Variants in GALNT13 observed in about 807,000 individuals in gnomAD.
GALNT13 encodes the protein UDP-GalNAc:polypeptide N-acetylgalactosaminyltransferase 13.
In GALNT13, 28 loss-of-function variants were observed where a neutral mutation model predicts 64.2. The observed-to-expected ratio is 0.44, with a 90% CI of 0.32 to 0.60. GALNT13 has a LOEUF of 0.60. Ranked by LOEUF, GALNT13 falls within the 20% of genes least tolerant of loss-of-function variation. GALNT13 has a pLI of 0.05. For synonymous variants in GALNT13, 214 were observed against 224.6 expected, an observed-to-expected ratio of 0.95 and a Z score of 0.42; for missense variants, 577 against 669.8, an observed-to-expected ratio of 0.86 and a Z score of 1.53.
chr2:153,557,040 C>T, the GALNT13 span, among the ~76,000 whole-genome samples: 5 of 152,120 alleles, frequency 3.3e-5, no homozygotes, highest in African/African-American at 1.2e-4. Context: ...TTTGACCCCC[C>T]CTTCCATTAA....
intron 3 of GALNT13, among the ~76,000 whole-genome samples, chr2:153,964,071 T>C (rs1261817930): frequency 1.3e-5 from 2 of 152,078 alleles, no homozygotes; most frequent in South Asian, 2.1e-4. Flanking sequence ...AGTTCCTTTT[T>C]TTTCCCCCCC....
At chr2:153,624,519 A>T in the GALNT13 span, among the ~76,000 whole-genome samples, 1 of 152,106 alleles carries the variant, frequency 6.6e-6, no homozygotes, top group Non-Finnish European at 1.5e-5. Context: ...TAAAAACAGC[A>T]TGTCCCAGAC....
chr2:153,341,481 G>A, the GALNT13 span, among the ~76,000 whole-genome samples: 1 of 152,188 alleles, frequency 6.6e-6, no homozygotes, highest in Non-Finnish European at 1.5e-5. Flanking sequence ...TGTTTGTTAA[G>A]TACTAAGCAA....
chr2:154,164,499 C>T (rs998245028), intron 4 of GALNT13, among the ~76,000 whole-genome samples: 1 of 152,034 alleles, frequency 6.6e-6, no homozygotes, highest in Non-Finnish European at 1.5e-5. Context: ...AGGAAAGATA[C>T]GACAGATTTA....
At chr2:154,032,851 G>C (rs1274575807) in intron 3 of GALNT13, among the ~76,000 whole-genome samples, 1 of 139,342 alleles carries the variant, frequency 7.2e-6, no homozygotes, top group African/African-American at 2.6e-5. Context: ...CAAGGTATAT[G>C]AACCTACATT....
intron 8 of GALNT13, among the ~76,000 whole-genome samples, chr2:154,262,940 C>T (rs1413565075): frequency 6.6e-6 from 1 of 152,016 alleles, no homozygotes; most frequent in Non-Finnish European, 1.5e-5. Context: ...TAAATAATAA[C>T]CGTGTTTCAG....
chr2:154,150,933 G>C (rs1278067614), intron 4 of GALNT13, among the ~76,000 whole-genome samples: 1 of 152,004 alleles, frequency 6.6e-6, no homozygotes, highest in East Asian at 1.9e-4. Context: ...ATTTCCTTCA[G>C]TTCCGCTCTG....
At chr2:154,409,209 C>G (rs1237127987) in intron 11 of GALNT13, 127 bp downstream of exon 11, 2 of 711,142 alleles carry the variant, frequency 2.8e-6, no homozygotes, top group African/African-American at 3.6e-5. Flanking sequence ...ACACTCAAAT[C>G]TAGAACTAAT....
At chr2:153,630,805 ATATTTT>A in the GALNT13 span, among the ~76,000 whole-genome samples, 136 of 14,970 alleles carry the variant, frequency 9.1e-3, no homozygotes, top group Non-Finnish European at 0.012. Flanking sequence ...ATATATATAT[ATATTTT>A]TTTTTTTTTT....
chr2:154,073,575 C>A (rs1391610105), intron 3 of GALNT13, among the ~76,000 whole-genome samples: 1 of 151,842 alleles, frequency 6.6e-6, no homozygotes, highest in Non-Finnish European at 1.5e-5. Flanking sequence ...GCTAAATCTG[C>A]ATAGCCCAAA....
At chr2:153,545,743 G>T in the GALNT13 span, among the ~76,000 whole-genome samples, 1 of 152,132 alleles carries the variant, frequency 6.6e-6, no homozygotes, top group Non-Finnish European at 1.5e-5. Context: ...TAGGGAGAGA[G>T]TCATAGTGGG....
chr2:153,285,212 A>G, the GALNT13 span, among the ~76,000 whole-genome samples: 4 of 152,130 alleles, frequency 2.6e-5, no homozygotes, highest in African/African-American at 9.7e-5. Flanking sequence ...CTCACTCATT[A>G]TCATGAGAAC....
At chr2:153,254,626 A>G in the GALNT13 span, among the ~76,000 whole-genome samples, 1 of 151,546 alleles carries the variant, frequency 6.6e-6, no homozygotes, top group Non-Finnish European at 1.5e-5. Context: ...ATTTCCCTCC[A>G]CACACTGCTT....
chr2:153,505,190 A>T, the GALNT13 span, among the ~76,000 whole-genome samples: 1 of 152,080 alleles, frequency 6.6e-6, no homozygotes, highest in Non-Finnish European at 1.5e-5. Context: ...GTAGCCTTGA[A>T]TAATATTTTG....
intron 9 of GALNT13, among the ~76,000 whole-genome samples, chr2:154,334,838 T>A (rs928134696): frequency 6.6e-6 from 1 of 152,016 alleles, no homozygotes; most frequent in South Asian, 2.1e-4. Context: ...TTTCCTTAAT[T>A]CACACCCAGT....
chr2:153,654,839 C>G, the GALNT13 span, among the ~76,000 whole-genome samples: 1 of 151,942 alleles, frequency 6.6e-6, no homozygotes, highest in Non-Finnish European at 1.5e-5. Context: ...AGCAGGTGAT[C>G]TTGGAGCCAA....
chr2:153,281,487 T>C, the GALNT13 span, among the ~76,000 whole-genome samples: 2 of 152,234 alleles, frequency 1.3e-5, no homozygotes, highest in Non-Finnish European at 2.9e-5. Context: ...TCTTGGGCTA[T>C]GAACTAAGTG....
chr2:153,582,775 T>C, the GALNT13 span, among the ~76,000 whole-genome samples: 9 of 152,124 alleles, frequency 5.9e-5, no homozygotes, highest in Non-Finnish European at 1.0e-4. Context: ...GCCTGAAAAA[T>C]TAAGCATCCA....
chr2:154,274,559 C>T (rs189550135), intron 8 of GALNT13, among the ~76,000 whole-genome samples: 5 of 152,184 alleles, frequency 3.3e-5, no homozygotes, highest in East Asian at 1.9e-4. Context: ...GCTCTTGGCA[C>T]TTCTTGCTTG....
Sources: allele counts gnomAD v4.1 joint callset (sites outside exome capture counted in the v4.1 genomes callset), GRCh38; gene constraint gnomAD v4.1.1; transcripts MANE v1.5; gene names NCBI Gene and HGNC (gene_info 2026-07-23, HGNC 2026-07-21).